The following SH3PXD2A variants were observed in gnomAD, a reference collection of about 807,000 sequenced individuals.
SH3PXD2A encodes SH3 and PX domain-containing protein 2A.
In SH3PXD2A, 32 loss-of-function variants were observed where a neutral mutation model predicts 115.2. That is an observed-to-expected ratio of 0.28 (90% CI 0.21 to 0.37). The LOEUF is 0.37. Among genes scored for constraint, SH3PXD2A ranks in the 10% least tolerant of loss-of-function variants. The probability of loss-of-function intolerance (pLI) is 1.00; values close to 1 mark genes in which losing one functional copy is unlikely to be tolerated. For missense variants in SH3PXD2A, 1,328 were observed against 1,498.7 expected, an observed-to-expected ratio of 0.89 and a Z score of 1.88; for synonymous variants, 610 against 629.1, an observed-to-expected ratio of 0.97 and a Z score of 0.45.
At chr10:103,680,151 T>A in intron 6 of SH3PXD2A, among the ~76,000 whole-genome samples, 1 of 151,774 alleles carries the variant, frequency 6.6e-6, no homozygotes, top group East Asian at 1.9e-4. Context: ...AGCTAATTTT[T>A]GTATTTTTGT....
At chr10:103,774,149 A>T (rs903514319) in intron 2 of SH3PXD2A, among the ~76,000 whole-genome samples, 4 of 151,912 alleles carry the variant, frequency 2.6e-5, no homozygotes, top group African/African-American at 9.7e-5. Flanking sequence ...TTTTGTTTCT[A>T]CTCCATTATA....
Position 103,773,492 on chromosome 10 carries a change from T to C in SH3PXD2A, c.154-6323A>G, listed in dbSNP as rs187740697. Among the ~76,000 whole-genome samples, 628 of 151,628 alleles carry C rather than the reference T, an allele frequency of 4.1e-3. 23 individuals are homozygous for C. The highest frequency in any genetic ancestry group is 0.039 in the Admixed American group (596 of 15,246). ...TCTCGCTCTGTTGCCCAGGCTGCAG[T>C]GCAGTGGTGCAATCTCGGCTCACTG... On this transcript the variant is annotated intron_variant, in intron 2 of 14. Transcript: ENST00000369774.
At chr10:103,818,719 A>G (rs2134286689) in intron 1 of SH3PXD2A, among the ~76,000 whole-genome samples, 1 of 152,204 alleles carries the variant, frequency 6.6e-6, no homozygotes, top group Middle Eastern at 3.4e-3. Flanking sequence ...AAATCGGCTC[A>G]CCTTCTCTGG....
At chr10:103,743,255 A>G (rs1589437383) in intron 3 of SH3PXD2A, among the ~76,000 whole-genome samples, 1 of 152,264 alleles carries the variant, frequency 6.6e-6, no homozygotes, top group East Asian at 1.9e-4. Flanking sequence ...TTTCTTCACC[A>G]TTAAAAACAA....
intron 2 of SH3PXD2A, among the ~76,000 whole-genome samples, chr10:103,782,130 G>A (rs115980110): frequency 0.013 from 1,991 of 152,270 alleles, 54 homozygotes; most frequent in African/African-American, 0.046. Context: ...CACTGGGACC[G>A]AAAGAAGAAT....
At chr10:103,800,344 C>T (rs1178184876) in intron 2 of SH3PXD2A, among the ~76,000 whole-genome samples, 1 of 152,204 alleles carries the variant, frequency 6.6e-6, no homozygotes, top group Non-Finnish European at 1.5e-5. Flanking sequence ...CAATCAAAAT[C>T]GTCCCTGGGA....
Position 103,620,323 on chromosome 10 carries a change from G to C in SH3PXD2A, c.802+2147C>G, listed in dbSNP as rs2036584502. Among the ~76,000 whole-genome samples, 1 of 152,166 alleles carries C rather than the reference G, an allele frequency of 6.6e-6. No homozygotes were observed. Among genetic ancestry groups the C allele is most frequent in the South Asian group, 2.1e-4 (1 of 4,824 alleles). Reference sequence around the variant, plus strand: ...GGCTGGCCAGGCGGTCAGCCGGGTGGGTGAGGGGGATAGGCCTGCTTTGGT... The same window carrying C: ...GGCTGGCCAGGCGGTCAGCCGGGTGCGTGAGGGGGATAGGCCTGCTTTGGT... On this transcript the variant is annotated intron_variant, in intron 10 of 14. Coordinates refer to ENST00000369774, the MANE Select transcript of SH3PXD2A (RefSeq NM_001394015.1). The surrounding 1 kb of genome is among the most constrained non-coding windows in gnomAD (Gnocchi z 5.3).
chr10:103,708,747 C>T (rs1223695820), intron 5 of SH3PXD2A, among the ~76,000 whole-genome samples: 1 of 152,186 alleles, frequency 6.6e-6, no homozygotes, highest in Non-Finnish European at 1.5e-5. Flanking sequence ...GCCTGAATTT[C>T]CTTGAATTAT....
rs2036242778 is a variant in SH3PXD2A, at chr10:103,603,010, T to C, written c.2208A>G (p.Ala736=). ...AGIRGTPKVR[A]KKDADANAGL... The stretch of plus-strand genomic sequence containing the variant: ...CAGCGTTCGCATCAGCATCCTTCTT[T>C]GCCCTGACCTTGGGAGTGCCGCGGA... Residue 736 remains alanine (A), a synonymous_variant, in exon 15 of 15, where the codon GCA becomes GCG. Coordinates refer to ENST00000369774, the MANE Select transcript of SH3PXD2A (RefSeq NM_001394015.1). The C allele has an allele frequency of 6.2e-7, 1 of 1,614,214 alleles. No individual in the cohort carries two copies. The highest frequency in any genetic ancestry group is 1.1e-5 in the South Asian group (1 of 91,084).
Position 103,620,993 on chromosome 10 carries a change from A to G in SH3PXD2A, c.802+1477T>C, listed in dbSNP as rs1378138170. 6.6e-6 allele frequency among the ~76,000 whole-genome samples: 1 copy of G among 152,202 alleles called. No individual in the cohort carries two copies. The highest frequency in any genetic ancestry group is 1.9e-4 in the East Asian group (1 of 5,194). Reference sequence around the variant, plus strand: ...ATGATGCATTTGTGGTGGTATAAACAGAAGACACATGGCACGGTGTATGCG... The same window carrying G: ...ATGATGCATTTGTGGTGGTATAAACGGAAGACACATGGCACGGTGTATGCG... On this transcript the variant is annotated intron_variant, in intron 10 of 14. Transcript: ENST00000369774. This position sits in a 1 kb window ranked among gnomAD's most constrained non-coding sequence, Gnocchi z 5.3.
At chr10:103,656,825 T>A (rs1387709627) in intron 8 of SH3PXD2A, among the ~76,000 whole-genome samples, 2 of 86,674 alleles carry the variant, frequency 2.3e-5, no homozygotes, top group African/African-American at 1.2e-4. Flanking sequence ...TGAAACTCCA[T>A]CTCAAAAAAA....
At chr10:103,690,370 T>C (rs971348848) in intron 6 of SH3PXD2A, among the ~76,000 whole-genome samples, 14 of 152,106 alleles carry the variant, frequency 9.2e-5, no homozygotes, top group African/African-American at 2.9e-4. Flanking sequence ...GGGAGGTGCA[T>C]AGAGAGCTTG....
intron 1 of SH3PXD2A, among the ~76,000 whole-genome samples, chr10:103,837,388 C>G (rs952653072): frequency 3.9e-5 from 6 of 152,186 alleles, no homozygotes; most frequent in Admixed American, 2.6e-4. Flanking sequence ...CTTCCTGAAG[C>G]CGACCCTAAG....
At chr10:103,633,987 T>C (rs1272072229) in intron 8 of SH3PXD2A, among the ~76,000 whole-genome samples, 3 of 152,166 alleles carry the variant, frequency 2.0e-5, no homozygotes, top group East Asian at 1.9e-4. Flanking sequence ...CATGCTGCCC[T>C]GCCCAGCGGG....
At chr10:103,835,489 C>G (rs983170951) in intron 1 of SH3PXD2A, among the ~76,000 whole-genome samples, 3 of 152,202 alleles carry the variant, frequency 2.0e-5, no homozygotes, top group Non-Finnish European at 4.4e-5. Flanking sequence ...TCCTCACACA[C>G]CTGGATATGG....
chr10:103,662,603 G>C (rs1302319182), intron 7 of SH3PXD2A, among the ~76,000 whole-genome samples: 1 of 150,670 alleles, frequency 6.6e-6, no homozygotes, highest in Non-Finnish European at 1.5e-5. Flanking sequence ...GTTTCACCTT[G>C]TTAGCCAGGA....
At chr10:103,611,295 G>A (rs7907682) in intron 13 of SH3PXD2A, among the ~76,000 whole-genome samples, 90,127 of 152,142 alleles carry the variant, frequency 0.59, 27,208 homozygotes, top group East Asian at 0.86. Context: ...CACTTTTGCC[G>A]GGCAGTCTAA....
chr10:103,670,706 G>A (rs1280968780), intron 6 of SH3PXD2A, among the ~76,000 whole-genome samples: 1 of 152,226 alleles, frequency 6.6e-6, no homozygotes, highest in African/African-American at 2.4e-5. Flanking sequence ...AAAATCTGAG[G>A]TTACAGCCCC....
chr10:103,596,663 A>ACACACACTCT lies in SH3PXD2A; in HGVS notation c.*5152_*5153insAGAGTGTGTG. On this transcript the variant is annotated 3_prime_UTR_variant, in exon 15 of 15. Transcript: ENST00000369774. ...CACACACACACACACACACACACAC[A>ACACACACTCT]CTCTCTCTCTCTCTCTCTCTCTCAC... 17 of 124,440 alleles carry ACACACACTCT rather than the reference A, an allele frequency of 1.4e-4. No homozygotes were observed. The highest frequency in any genetic ancestry group is 3.2e-4 in the African/African-American group (10 of 31,676). The allele number at this position is 124,440 out of a possible 1,614,324, so 7.7% of individuals were successfully genotyped here. A position where few individuals can be genotyped will look rare whatever the true frequency, so the allele number is the denominator to read the frequency against.
Sources: allele counts gnomAD v4.1 joint callset (sites outside exome capture counted in the v4.1 genomes callset), GRCh38; gene constraint gnomAD v4.1.1; non-coding constraint Gnocchi (gnomAD v3.1); transcripts MANE v1.5; gene names NCBI Gene and HGNC (gene_info 2026-07-23, HGNC 2026-07-21).